The following CACNA1I variants were observed in gnomAD, a reference collection of about 807,000 sequenced individuals.
The protein encoded by CACNA1I is voltage-dependent T-type calcium channel subunit alpha-1I.
A neutral mutation model predicts 201.6 loss-of-function variants in CACNA1I; 74 were observed. The ratio of observed to expected loss-of-function variants is 0.37; its 90% CI spans 0.30 to 0.45. CACNA1I has a LOEUF of 0.45. Among genes scored for constraint, CACNA1I ranks in the 20% least tolerant of loss-of-function variants. CACNA1I has a pLI of 1.00. For missense variants in CACNA1I, 2,346 were observed against 3,138.1 expected, an observed-to-expected ratio of 0.75 and a Z score of 6.03; for synonymous variants, 1,431 against 1,345.2, an observed-to-expected ratio of 1.06 and a Z score of -1.40.
intron 3 of CACNA1I, among the ~76,000 whole-genome samples, chr22:39,602,356 T>C (rs1487121627): frequency 1.3e-5 from 2 of 151,834 alleles, no homozygotes; most frequent in Non-Finnish European, 2.9e-5. Context: ...ATTACAGGTG[T>C]GAGCCACCGC....
chr22:39,581,235 G>A (rs1330948778), intron 1 of CACNA1I, among the ~76,000 whole-genome samples: 1 of 152,210 alleles, frequency 6.6e-6, no homozygotes, highest in African/African-American at 2.4e-5. Context: ...AGGCAGAGAA[G>A]TGGGATGGGG....
At chr22:39,627,523 C>A (rs1348030945) in intron 4 of CACNA1I, among the ~76,000 whole-genome samples, 1 of 152,224 alleles carries the variant, frequency 6.6e-6, no homozygotes, top group East Asian at 1.9e-4. Flanking sequence ...CAAGCCCTTT[C>A]CTGCCCAGGT....
intron 7 of CACNA1I, among the ~76,000 whole-genome samples, chr22:39,646,221 C>T (rs554349326): frequency 2.6e-5 from 4 of 152,188 alleles, no homozygotes; most frequent in South Asian, 4.1e-4. Flanking sequence ...GCCCCTCCAC[C>T]TCCCCTGCCC....
Position 39,648,393 on chromosome 22 carries a change from GC to G in CACNA1I, c.1567+472del, listed in dbSNP as rs199786604. On this transcript the variant is annotated intron_variant, in intron 9 of 36. Transcript: ENST00000402142. The surrounding 1 kb of genome is among the most constrained non-coding windows in gnomAD (Gnocchi z 5.4). ...CCAACGGGCTTCCTGCGGCCGCCCA[GC>G]CCCCTCTCCTGGCACTCTTGCCCCC... Among the ~76,000 whole-genome samples, 1 of 152,154 alleles carries G rather than the reference GC, an allele frequency of 6.6e-6. No individual in the cohort carries two copies. Among genetic ancestry groups the G allele is most frequent in the Non-Finnish European group, 1.5e-5 (1 of 68,024 alleles).
Position 39,604,365 on chromosome 22 carries a change from G to T in CACNA1I, c.482+3712G>T, listed in dbSNP as rs868736007. Among the ~76,000 whole-genome samples, 3 of 152,180 alleles carry T rather than the reference G, an allele frequency of 2.0e-5. No individual in the cohort carries two copies. In the South Asian group the frequency reaches 6.2e-4, roughly 32 times the overall value. On this transcript the variant is annotated intron_variant, in intron 3 of 36. Transcript: ENST00000402142. Reference sequence around the variant, plus strand: ...GGTCCTCGAGATGGGGGCTGGATGAGGCGAGGTCTGCAGGCCAGCATCCTT... The same window carrying T: ...GGTCCTCGAGATGGGGGCTGGATGATGCGAGGTCTGCAGGCCAGCATCCTT...
intron 1 of CACNA1I, 141 bp downstream of exon 1, chr22:39,571,129 G>A (rs1199779516): frequency 5.5e-6 from 4 of 720,872 alleles, no homozygotes; most frequent in Non-Finnish European, 9.7e-6. Flanking sequence ...GTGGTGGTGA[G>A]CGAGCTCAGA....
At position 39,680,933 on chromosome 22, in the gene CACNA1I, C is replaced by A; in HGVS notation, c.5545C>A (p.Gln1849Lys). 1.2e-6 allele frequency: 2 copies of A among 1,608,984 alleles called. No homozygotes were observed. The highest frequency in any genetic ancestry group is 1.7e-6 in the Non-Finnish European group (2 of 1,178,556). ...AGGCCACCCCCTCTTCCTGCAGGTG[C>A]AGCTGGCTGAGACGGAGGCCTTCTC... Reference protein sequence around the residue: ...KKCHHDKQEVQLAETEAFSLN... With the variant: ...KKCHHDKQEVKLAETEAFSLN... The change falls in exon 34 of 37, where the codon CAG (glutamine) becomes AAG (lysine). Residue 1849 changes from glutamine to lysine, a missense_variant. Around this residue, in one of 13 missense-constraint regions of CACNA1I, gnomAD observed 441 missense variants for 555.6 expected, o/e 0.79. Coordinates refer to ENST00000402142, the MANE Select transcript of CACNA1I (RefSeq NM_021096.4).
intron 3 of CACNA1I, among the ~76,000 whole-genome samples, chr22:39,615,647 G>A (rs1275994229): frequency 6.6e-6 from 1 of 152,090 alleles, no homozygotes; most frequent in Non-Finnish European, 1.5e-5. Flanking sequence ...CTTGTCCTGT[G>A]TCCTCCTTTC....
rs1475580707 is a variant in CACNA1I at position 39,685,711 on chromosome 22, T to C, written c.6028-50T>C. ...CGGGGGAGGGCGGCGTCCAGGTTGC[T>C]GGGGTGGGGGCCGACACAGGCGGCC... On this transcript the variant is annotated intron_variant, in intron 36 of 36. Coordinates refer to ENST00000402142, the MANE Select transcript of CACNA1I (RefSeq NM_021096.4). The surrounding 1 kb of genome is among the most constrained non-coding windows in gnomAD (Gnocchi z 5.0). The C allele has an allele frequency of 1.5e-6, 2 of 1,374,700 alleles. No individual in the cohort carries two copies. Among genetic ancestry groups the C allele is most frequent in the Non-Finnish European group, 1.9e-6 (2 of 1,069,060 alleles). The allele number at this position is 1,374,700 out of a possible 1,614,324, so 85.2% of individuals were successfully genotyped here.
chr22:39,582,044 C>T (rs1383080441), intron 1 of CACNA1I, among the ~76,000 whole-genome samples: 1 of 152,146 alleles, frequency 6.6e-6, no homozygotes, highest in South Asian at 2.1e-4. Context: ...TGTGCAGAGC[C>T]GTGGGAAGAG....
At chr22:39,674,821 A>G (rs564851313) in intron 29 of CACNA1I, among the ~76,000 whole-genome samples, 1 of 152,296 alleles carries the variant, frequency 6.6e-6, no homozygotes, top group African/African-American at 2.4e-5. Flanking sequence ...ACTGCACATT[A>G]AAAATGAGGA....
intron 5 of CACNA1I, among the ~76,000 whole-genome samples, chr22:39,637,694 A>G (rs1034467112): frequency 2.0e-5 from 3 of 152,192 alleles, no homozygotes; most frequent in Non-Finnish European, 2.9e-5. Context: ...AAAAGAAGGA[A>G]TTACATTTTG....
At chr22:39,680,906 C>T (rs755901002) in intron 33 of CACNA1I, 24 bp from the exon 34 acceptor site, 25 of 1,599,392 alleles carry the variant, frequency 1.6e-5, no homozygotes, top group South Asian at 6.7e-5. Flanking sequence ...CTGGGTGACC[C>T]GAGGCCACCC....
rs1209121231 is a variant in CACNA1I, at chr22:39,662,288, C to T, written c.3225C>T (p.Gly1075=). 60 of 1,511,506 alleles carry T rather than the reference C, an allele frequency of 4.0e-5. 1 individual carries two copies. The East Asian group carries it at 8.3e-4, about 21-fold the overall frequency. 93.6% of individuals were successfully genotyped at this position (1,511,506 alleles called of 1,614,324 possible). A position where few individuals can be genotyped will look rare whatever the true frequency, so the allele number is the denominator to read the frequency against. The stretch of plus-strand genomic sequence containing the variant: ...TGGCCGAGCTGGTGCCCGCGGTGGG[C>T]GCCCACCCCCGGGCCGCCTGGAGGG... ...VDLAELVPAV[G]AHPRAAWRAA... Residue 1075 remains glycine, a synonymous_variant, in exon 17 of 37, where the codon GGC becomes GGT. Coordinates refer to ENST00000402142, the MANE Select transcript of CACNA1I (RefSeq NM_021096.4).
intron 2 of CACNA1I, among the ~76,000 whole-genome samples, chr22:39,598,890 T>C (rs1178172650): frequency 6.7e-6 from 1 of 148,622 alleles, no homozygotes; most frequent in Non-Finnish European, 1.5e-5. Flanking sequence ...TCGGTGCAAC[T>C]CCCTGGGAAA....
In CACNA1I at chr22:39,689,627, G is replaced by A. The variant is rs1468804652; in HGVS notation, c.*3222G>A. The stretch of plus-strand genomic sequence containing the variant: ...ATGGTGTGAATGAACTTCCCTCCTA[G>A]TTGCTGATGGCGCTGGTACCTGCTG... On this transcript the variant is annotated 3_prime_UTR_variant, in exon 37 of 37. Transcript: ENST00000402142. The A allele has an allele frequency of 1.3e-5, 2 of 152,754 alleles. No individual in the cohort carries two copies. Among genetic ancestry groups the A allele is most frequent in the Non-Finnish European group, 1.5e-5 (1 of 68,094 alleles). The allele number at this position is 152,754 out of a possible 1,614,324, so 9.5% of individuals were successfully genotyped here. A position where few individuals can be genotyped will look rare whatever the true frequency, so the allele number is the denominator to read the frequency against.
In CACNA1I at chr22:39,684,245, G is replaced by T. The variant is rs1935786968; in HGVS notation, c.5831-57G>T. The T allele has an allele frequency of 2.6e-6, 4 of 1,518,930 alleles. No homozygotes were observed. Among genetic ancestry groups the T allele is most frequent in the Non-Finnish European group, 3.6e-6 (4 of 1,105,084 alleles). The allele number at this position is 1,518,930 out of a possible 1,614,324, so 94.1% of individuals were successfully genotyped here. A position where few individuals can be genotyped will look rare whatever the true frequency, so the allele number is the denominator to read the frequency against. On this transcript the variant is annotated intron_variant, in intron 35 of 36. Transcript: ENST00000402142. This position sits in a 1 kb window ranked among gnomAD's most constrained non-coding sequence, Gnocchi z 4.6. ...ATTGGTGCTCAATGCCACCTTCCAGGGGCTGCCCCCTGGCCTGAGCGTGCT... is the reference window on the plus strand; with the variant it reads ...ATTGGTGCTCAATGCCACCTTCCAGTGGCTGCCCCCTGGCCTGAGCGTGCT...
intron 11 of CACNA1I, among the ~76,000 whole-genome samples, chr22:39,658,612 G>GT (rs1934900002): frequency 6.6e-6 from 1 of 152,302 alleles, no homozygotes; most frequent in African/African-American, 2.4e-5. Context: ...AAAGCCATAG[G>GT]TACTGCTAAT....
chr22:39,573,006 G>A (rs1442161775), intron 1 of CACNA1I, among the ~76,000 whole-genome samples: 2 of 151,998 alleles, frequency 1.3e-5, no homozygotes, highest in Admixed American at 6.6e-5. Context: ...CGCCTGCCTC[G>A]GCCTCCCAAA....
Sources: allele counts gnomAD v4.1 joint callset (sites outside exome capture counted in the v4.1 genomes callset), GRCh38; gene constraint gnomAD v4.1.1; regional missense constraint gnomAD v4.1.1; non-coding constraint Gnocchi (gnomAD v3.1); transcripts MANE v1.5; gene names NCBI Gene and HGNC (gene_info 2026-07-23, HGNC 2026-07-21).